TACR3: variants seen among roughly 807,000 people sequenced by gnomAD.
TACR3 encodes neuromedin-K receptor.
A neutral mutation model predicts 35.0 loss-of-function variants in TACR3; 34 were observed. The ratio of observed to expected loss-of-function variants is 0.97; its 90% CI spans 0.74 to 1.30. The LOEUF is 1.30. Among genes scored for constraint, TACR3 ranks in the 50% most tolerant of loss-of-function variants. The pLI is 0.00. For synonymous variants in TACR3, 233 were observed against 221.1 expected, an observed-to-expected ratio of 1.05 and a Z score of -0.48; for missense variants, 558 against 591.7, an observed-to-expected ratio of 0.94 and a Z score of 0.59.
intron 3 of TACR3, among the ~76,000 whole-genome samples, chr4:103,620,526 T>TA (rs1464605630): frequency 2.6e-5 from 4 of 152,082 alleles, no homozygotes; most frequent in African/African-American, 9.7e-5. Context: ...GAGTACAATT[T>TA]AAAAAATGCC....
In TACR3 at chr4:103,620,495, C is replaced by A. The variant is rs368848605; in HGVS notation, c.889-28812G>T. Among the ~76,000 whole-genome samples the A allele has an allele frequency of 7.2e-5, 11 of 152,290 alleles. 1 individual carries two copies. In the East Asian group the frequency reaches 1.5e-3, roughly 21 times the overall value. The stretch of plus-strand genomic sequence containing the variant: ...CACAATAGCAAAGACATGTGATCAA[C>A]CCTGGTACCCATTAATGATAGAGTA... On this transcript the variant is annotated intron_variant, in intron 3 of 4. Transcript: ENST00000304883.
intron 1 of TACR3, among the ~76,000 whole-genome samples, chr4:103,682,065 C>G (rs1722107520): frequency 6.6e-6 from 1 of 152,100 alleles, no homozygotes; most frequent in African/African-American, 2.4e-5. Context: ...TAGCTTAATA[C>G]TTTAAAAATT....
At chr4:103,703,094 A>G (rs1267772078) in intron 1 of TACR3, among the ~76,000 whole-genome samples, 3 of 152,174 alleles carry the variant, frequency 2.0e-5, no homozygotes, top group African/African-American at 4.8e-5. Flanking sequence ...TAAAAAATAT[A>G]CCTCAAAAGT....
chr4:103,700,303 C>G (rs1341805067), intron 1 of TACR3, among the ~76,000 whole-genome samples: 2 of 152,120 alleles, frequency 1.3e-5, no homozygotes, highest in Non-Finnish European at 2.9e-5. Context: ...CTCTAGAACA[C>G]AACTGGGCCC....
intron 1 of TACR3, among the ~76,000 whole-genome samples, chr4:103,669,819 T>G (rs563471094): frequency 4.2e-4 from 64 of 152,170 alleles, no homozygotes; most frequent in African/African-American, 1.4e-3. Flanking sequence ...TTTTCATTGG[T>G]GTGATCCCAT....
intron 3 of TACR3, among the ~76,000 whole-genome samples, chr4:103,602,353 G>C (rs1724226857): frequency 6.6e-6 from 1 of 152,088 alleles, no homozygotes; most frequent in Non-Finnish European, 1.5e-5. Flanking sequence ...GCTTGGAGTA[G>C]TTTGATTGTC....
chr4:103,628,298 A>G (rs1724952012), intron 3 of TACR3, among the ~76,000 whole-genome samples: 1 of 151,960 alleles, frequency 6.6e-6, no homozygotes, highest in Admixed American at 6.6e-5. Flanking sequence ...CTAAGATCAG[A>G]GCAGACCTGA....
rs1365108320 is a variant in TACR3 at position 103,586,934 on chromosome 4, G to A, written c.*2748C>T. On this transcript the variant is annotated 3_prime_UTR_variant, in exon 5 of 5. Coordinates refer to ENST00000304883, the MANE Select transcript of TACR3 (RefSeq NM_001059.3). ...TACTTACAATGATGTAAGCCTTTTT[G>A]ATTCTTTCATATTTGTTTAAAAATA... is the stretch of plus-strand genomic sequence containing the variant. 1 of 151,870 alleles carries A rather than the reference G, an allele frequency of 6.6e-6. No homozygotes were observed. The highest frequency in any genetic ancestry group is 6.6e-5 in the Admixed American group (1 of 15,210). 9.4% of individuals were successfully genotyped at this position (151,870 alleles called of 1,614,324 possible). A position where few individuals can be genotyped will look rare whatever the true frequency, so the allele number is the denominator to read the frequency against.
intron 1 of TACR3, 101 bp from the exon 2 acceptor site, chr4:103,658,504 A>G: frequency 1.7e-6 from 2 of 1,153,606 alleles, no homozygotes; most frequent in African/African-American, 3.1e-5. Flanking sequence ...AGTTACAGTC[A>G]TTGCTCTTTT....
chr4:103,664,318 T>C (rs922201349), intron 1 of TACR3, among the ~76,000 whole-genome samples: 12 of 152,232 alleles, frequency 7.9e-5, no homozygotes, highest in African/African-American at 2.9e-4. Context: ...AACTTTTGTC[T>C]GATGTCAATA....
At chr4:103,680,700 T>C (rs1722043218) in intron 1 of TACR3, among the ~76,000 whole-genome samples, 1 of 151,722 alleles carries the variant, frequency 6.6e-6, no homozygotes, top group Admixed American at 6.6e-5. Context: ...CTCATCATCA[T>C]TTACCTAAGT....
At chr4:103,646,916 T>C (rs948427412) in intron 3 of TACR3, among the ~76,000 whole-genome samples, 1 of 151,960 alleles carries the variant, frequency 6.6e-6, no homozygotes, top group African/African-American at 2.4e-5. Context: ...GGGAACAGTA[T>C]GATATAGGCA....
At chr4:103,660,478 TATC>T (rs1200439716) in intron 1 of TACR3, among the ~76,000 whole-genome samples, 1 of 151,970 alleles carries the variant, frequency 6.6e-6, no homozygotes, top group Admixed American at 6.6e-5. Flanking sequence ...AGCAATAAAT[TATC>T]ATGAACTTTA....
intron 3 of TACR3, among the ~76,000 whole-genome samples, chr4:103,605,793 T>C (rs1263914382): frequency 1.3e-5 from 2 of 152,004 alleles, no homozygotes; most frequent in African/African-American, 4.8e-5. Context: ...ACTCTGATGG[T>C]AGTTTCTTTT....
intron 3 of TACR3, among the ~76,000 whole-genome samples, chr4:103,601,776 C>T (rs10000527): frequency 0.13 from 19,383 of 152,200 alleles, 2,000 homozygotes; most frequent in East Asian, 0.5. Context: ...GATGGGCTTC[C>T]CTTTGTGGGT....
chr4:103,675,364 C>G (rs1041417156), intron 1 of TACR3, among the ~76,000 whole-genome samples: 6 of 152,164 alleles, frequency 3.9e-5, no homozygotes, highest in Non-Finnish European at 7.3e-5. Flanking sequence ...CACTAGACAT[C>G]TTATCTTTCC....
chr4:103,656,722 A>T (rs1725741068), intron 2 of TACR3, among the ~76,000 whole-genome samples: 1 of 152,014 alleles, frequency 6.6e-6, no homozygotes. Context: ...GGATAGAATA[A>T]ATGAATCAAC....
chr4:103,696,551 T>C (rs966519081), intron 1 of TACR3, among the ~76,000 whole-genome samples: 3 of 152,220 alleles, frequency 2.0e-5, no homozygotes, highest in Non-Finnish European at 2.9e-5. Flanking sequence ...TTTTTCTAAA[T>C]TTGAATTATC....
chr4:103,634,654 ACTT>A (rs1443271670), intron 3 of TACR3, among the ~76,000 whole-genome samples: 1 of 152,194 alleles, frequency 6.6e-6, no homozygotes, highest in African/African-American at 2.4e-5. Flanking sequence ...AGTGAATTTA[ACTT>A]CTTCAACAAT....
Sources: gnomAD v4.1 joint callset for allele counts (sites outside exome capture counted in the v4.1 genomes callset) on GRCh38, gnomAD v4.1.1 for gene constraint, MANE v1.5 for transcripts, NCBI Gene and HGNC (gene_info 2026-07-23, HGNC 2026-07-21) for gene names.